Variants in NBEA observed in about 807,000 individuals in gnomAD.
NBEA encodes lysosomal-trafficking regulator 2.
In NBEA, 44 loss-of-function variants were observed where a neutral mutation model predicts 343.4. The ratio of observed to expected loss-of-function variants is 0.13; its 90% CI spans 0.10 to 0.16. NBEA has a LOEUF of 0.16. Among genes scored for constraint, NBEA ranks in the 10% least tolerant of loss-of-function variants. The pLI is 1.00. For synonymous variants in NBEA, 1,175 were observed against 1,238.7 expected, an observed-to-expected ratio of 0.95 and a Z score of 1.08; for missense variants, 2,555 against 3,631.3, an observed-to-expected ratio of 0.70 and a Z score of 7.62.
chr13:35,001,762 CTA>C (rs1416519242), intron 1 of NBEA, among the ~76,000 whole-genome samples: 1 of 151,930 alleles, frequency 6.6e-6, no homozygotes, highest in East Asian at 1.9e-4. Context: ...TGTAGGGTGA[CTA>C]TTGTTAACAA....
intron 38 of NBEA, among the ~76,000 whole-genome samples, chr13:35,417,919 C>T (rs1307589107): frequency 6.6e-6 from 1 of 152,088 alleles, no homozygotes; most frequent in East Asian, 1.9e-4. Flanking sequence ...CTGGGTGCTC[C>T]TCTTTTGGAT....
chr13:35,142,190 G>A lies in NBEA; in HGVS notation c.2337-79G>A. On this transcript the variant is annotated intron_variant, in intron 17 of 58. Coordinates refer to ENST00000379939, the MANE Select transcript of NBEA (RefSeq NM_001385012.1). ...ATTATTCTGTATCTGCTTATAAATT[G>A]TTCTCTCTTATCTAAAAGTCATGTG... The A allele has an allele frequency of 3.8e-6, 3 of 793,750 alleles. No individual in the cohort carries two copies. The South Asian group carries it at 5.3e-5, about 14-fold the overall frequency. The allele number at this position is 793,750 out of a possible 1,614,324, so 49.2% of individuals were successfully genotyped here. A position where few individuals can be genotyped will look rare whatever the true frequency, so the allele number is the denominator to read the frequency against.
At chr13:35,622,800 A>G (rs192695997) in intron 48 of NBEA, among the ~76,000 whole-genome samples, 396 of 152,298 alleles carry the variant, frequency 2.6e-3, no homozygotes, top group Admixed American at 6.2e-3. Context: ...AGACATGGGT[A>G]TTTAATATTC....
chr13:35,350,893 A>G (rs528861807), intron 37 of NBEA, among the ~76,000 whole-genome samples: 32 of 152,042 alleles, frequency 2.1e-4, no homozygotes, highest in African/African-American at 7.7e-4. Context: ...GAAGAAAAGT[A>G]TATTTGATTT....
At chr13:35,272,232 A>G (rs2034219582) in intron 34 of NBEA, among the ~76,000 whole-genome samples, 1 of 152,224 alleles carries the variant, frequency 6.6e-6, no homozygotes, top group Non-Finnish European at 1.5e-5. Flanking sequence ...TTTTCAACCC[A>G]GAATCCCATA....
chr13:35,188,349 C>T (rs1225520273), intron 30 of NBEA, among the ~76,000 whole-genome samples: 1 of 151,636 alleles, frequency 6.6e-6, no homozygotes, highest in East Asian at 1.9e-4. Context: ...GAAAATAGAT[C>T]ACCAGCATTG....
chr13:35,190,055 TTTAGAATTTC>T lies in NBEA; in HGVS notation c.4928-5802_4928-5793del, dbSNP rs199882485. On this transcript the variant is annotated intron_variant, in intron 30 of 58. Coordinates refer to ENST00000379939, the MANE Select transcript of NBEA (RefSeq NM_001385012.1). ...AGGATAGGAGTGGGAGTAGGTTAGGTTTAGAATTTCTTAGAAAGTCTCGACCTTAGAGCAT... is the reference window on the plus strand; with the variant it reads ...AGGATAGGAGTGGGAGTAGGTTAGGTTTAGAAAGTCTCGACCTTAGAGCAT... 1.0e-2 allele frequency among the ~76,000 whole-genome samples: 1,517 copies of T among 152,130 alleles called. 14 individuals are homozygous for T. The highest frequency in any genetic ancestry group is 0.018 in the South Asian group (88 of 4,812).
intron 17 of NBEA, among the ~76,000 whole-genome samples, chr13:35,135,788 T>A (rs1432380667): frequency 6.6e-6 from 1 of 151,962 alleles, no homozygotes; most frequent in Non-Finnish European, 1.5e-5. Context: ...TATATATATG[T>A]ATGCTTAGAT....
chr13:35,578,149 AG>A (rs2080838550), intron 45 of NBEA, among the ~76,000 whole-genome samples: 1 of 152,208 alleles, frequency 6.6e-6, no homozygotes, highest in African/African-American at 2.4e-5. Flanking sequence ...CAGACAAATG[AG>A]TCAAATATAC....
At chr13:35,457,760 C>T (rs762953463) in intron 40 of NBEA, among the ~76,000 whole-genome samples, 2 of 152,184 alleles carry the variant, frequency 1.3e-5, no homozygotes, top group Non-Finnish European at 2.9e-5. Flanking sequence ...AGGCACCCGC[C>T]ACCACGCCCA....
chr13:35,295,309 A>C (rs1594108957), intron 35 of NBEA, among the ~76,000 whole-genome samples: 3 of 151,920 alleles, frequency 2.0e-5, no homozygotes, highest in African/African-American at 7.2e-5. Flanking sequence ...ACAGTATTGG[A>C]TAGTTCATGA....
At chr13:34,982,689 A>T (rs1050391191) in intron 1 of NBEA, among the ~76,000 whole-genome samples, 2 of 152,178 alleles carry the variant, frequency 1.3e-5, no homozygotes, top group Non-Finnish European at 2.9e-5. Context: ...CTTATGGCTC[A>T]TCATATATTT....
chr13:35,653,328 C>CTT (rs139682136), intron 53 of NBEA, among the ~76,000 whole-genome samples: 23 of 114,034 alleles, frequency 2.0e-4, no homozygotes, highest in Admixed American at 6.4e-4. Flanking sequence ...TTCTTGGGTT[C>CTT]TTTTTTTTTT....
chr13:35,117,366 T>A, intron 13 of NBEA, 48 bp from the exon 14 acceptor site: 6 of 981,376 alleles, frequency 6.1e-6, no homozygotes, highest in Non-Finnish European at 8.2e-6. Context: ...TTTAGCTAAT[T>A]TAATATCTTG....
intron 33 of NBEA, among the ~76,000 whole-genome samples, chr13:35,224,723 C>A (rs952459739): frequency 6.6e-6 from 1 of 151,962 alleles, no homozygotes; most frequent in Admixed American, 6.6e-5. Context: ...TTTATAGTTC[C>A]AACATAGGGT....
intron 1 of NBEA, among the ~76,000 whole-genome samples, chr13:35,003,095 T>G (rs770736626): frequency 6.6e-6 from 1 of 151,968 alleles, no homozygotes; most frequent in African/African-American, 2.4e-5. Context: ...AGAAGAAAAT[T>G]ATGCATAGAA....
At chr13:35,485,900 T>C (rs926390082) in intron 41 of NBEA, among the ~76,000 whole-genome samples, 3 of 152,156 alleles carry the variant, frequency 2.0e-5, no homozygotes, top group African/African-American at 7.2e-5. Flanking sequence ...TTGAATGCTG[T>C]AATATTCTTA....
intron 33 of NBEA, among the ~76,000 whole-genome samples, chr13:35,220,308 A>C (rs1162503205): frequency 2.0e-5 from 3 of 152,120 alleles, no homozygotes; most frequent in Admixed American, 6.6e-5. Flanking sequence ...TTTGTTGCTC[A>C]TCATTCTTTT....
In NBEA at chr13:35,179,823, G is replaced by C. The variant is rs1405383310; in HGVS notation, c.4663-2537G>C. ...GTTGGTATCTTTTCTTAATCTGATT[G>C]TGCTTCATTTTCCTTTGTAATAACT... On this transcript the variant is annotated intron_variant, in intron 28 of 58. Transcript: ENST00000379939. 3 of 982,310 alleles carry C rather than the reference G, an allele frequency of 3.1e-6. No homozygotes were observed. The Admixed American group carries it at 1.9e-4, about 61-fold the overall frequency. 60.8% of individuals were successfully genotyped at this position (982,310 alleles called of 1,614,324 possible).
Sources: gnomAD v4.1 joint callset for allele counts (sites outside exome capture counted in the v4.1 genomes callset) on GRCh38, gnomAD v4.1.1 for gene constraint, MANE v1.5 for transcripts, NCBI Gene and HGNC (gene_info 2026-07-23, HGNC 2026-07-21) for gene names.